The following FRMD6 variants were observed in gnomAD, a reference collection of about 807,000 sequenced individuals.
FRMD6 encodes the protein FERM domain-containing protein 6.
Under a neutral mutation model 73.2 loss-of-function variants are expected in FRMD6, and 37 were observed. That is an observed-to-expected ratio of 0.51 (90% CI 0.39 to 0.66). FRMD6 has a LOEUF of 0.66. FRMD6 is among the 30% of genes least tolerant of loss of function. FRMD6 has a pLI of 0.00. For synonymous variants in FRMD6, 273 were observed against 282.2 expected, an observed-to-expected ratio of 0.97 and a Z score of 0.33; for missense variants, 714 against 780.5, an observed-to-expected ratio of 0.91 and a Z score of 1.02.
the FRMD6 span, among the ~76,000 whole-genome samples, chr14:51,476,568 A>G: frequency 3.9e-5 from 6 of 152,216 alleles, no homozygotes; most frequent in African/African-American, 7.2e-5. Context: ...AGGAGTGAAC[A>G]TAGTGTTCTC....
At chr14:51,681,938 T>G (rs559418627) in intron 1 of FRMD6, among the ~76,000 whole-genome samples, 1 of 152,346 alleles carries the variant, frequency 6.6e-6, no homozygotes, top group East Asian at 1.9e-4. Context: ...GCTACTCTAA[T>G]TTGTTACAAA....
At position 51,534,084 on chromosome 14, in the gene FRMD6, A is replaced by G. The variant is rs374998360; in HGVS notation, c.-209-36264A>G. 2.9e-4 allele frequency among the ~76,000 whole-genome samples: 44 copies of G among 152,314 alleles called. 1 individual carries two copies. The South Asian group carries it at 8.9e-3, about 31-fold the overall frequency. On this transcript the variant is annotated intron_variant, in intron 1 of 14. Transcript: ENST00000356218. The stretch of plus-strand genomic sequence containing the variant: ...GCTCTGCCAGTGCCTTGCACAACCA[A>G]GGAGTCAAGTCTATGGAGGGTGGGG...
At chr14:51,436,919 G>C in the FRMD6 span, 1 of 1,000,478 alleles carries the variant, frequency 1.0e-6, no homozygotes, top group African/African-American at 1.6e-5. Context: ...AGAAGAAGAT[G>C]ATGATGAAGG....
At chr14:51,504,526 G>T (rs185302784) in intron 1 of FRMD6, among the ~76,000 whole-genome samples, 2 of 152,174 alleles carry the variant, frequency 1.3e-5, no homozygotes, top group African/African-American at 2.4e-5. Context: ...TTTTTCAGTC[G>T]CTGACACAGC....
chr14:51,705,104 T>C (rs182890334), intron 6 of FRMD6, among the ~76,000 whole-genome samples, 169 bp downstream of exon 6: 21 of 152,200 alleles, frequency 1.4e-4, no homozygotes, highest in Non-Finnish European at 2.5e-4. Flanking sequence ...CATGTCTTCA[T>C]GTACTTAGTC....
In FRMD6 at chr14:51,720,293, G is replaced by A; in HGVS notation, c.1263G>A (p.Leu421=). 1 of 1,614,004 alleles carries A rather than the reference G, an allele frequency of 6.2e-7. No homozygotes were observed. Among genetic ancestry groups the A allele is most frequent in the Non-Finnish European group, 8.5e-7 (1 of 1,180,012 alleles). Residue 421 remains leucine, a synonymous_variant, in exon 11 of 14, where the codon CTG becomes CTA. Coordinates refer to ENST00000344768, the MANE Select transcript of FRMD6 (RefSeq NM_001267046.2). The stretch of plus-strand genomic sequence containing the variant: ...CCAGCAGTGCCATCCACCGCAAGCT[G>A]AAAACCTGCAGCTCAATGACCAGTC... ...SYSSSAIHRK[L]KTCSSMTSHG...
At chr14:51,692,376 T>G (rs1895653508) in intron 2 of FRMD6, among the ~76,000 whole-genome samples, 1 of 152,240 alleles carries the variant, frequency 6.6e-6, no homozygotes, top group Admixed American at 6.5e-5. Context: ...ATATAAAAGA[T>G]ATCCAATAAT....
chr14:51,596,085 A>T (rs1889698282), intron 2 of FRMD6, among the ~76,000 whole-genome samples: 1 of 152,230 alleles, frequency 6.6e-6, no homozygotes, highest in Non-Finnish European at 1.5e-5. Context: ...ATGCCTCTCT[A>T]GCCTTTTTGA....
chr14:51,687,617 G>A (rs994755243), intron 1 of FRMD6, among the ~76,000 whole-genome samples: 2 of 152,060 alleles, frequency 1.3e-5, no homozygotes, highest in African/African-American at 4.8e-5. Context: ...ATAAGAAGTT[G>A]CCTGCAACAC....
intron 1 of FRMD6, among the ~76,000 whole-genome samples, chr14:51,523,588 G>A (rs1885066113): frequency 2.0e-5 from 3 of 152,164 alleles, no homozygotes; most frequent in Non-Finnish European, 2.9e-5. Context: ...ATGCTGCTTG[G>A]CTGTCTGGCC....
chr14:51,730,438 A>G lies in FRMD6; in HGVS notation c.*2409A>G, dbSNP rs539651557. On this transcript the variant is annotated 3_prime_UTR_variant, in exon 14 of 14. Transcript: ENST00000344768. ...TATTTGGAAATTGTTTTTAAAAATA[A>G]AAAGGAAAGGAAATATATAAAGCTG... The G allele has an allele frequency of 6.6e-6, 1 of 152,310 alleles. No homozygotes were observed. The highest frequency in any genetic ancestry group is 1.5e-5 in the Non-Finnish European group (1 of 68,036). The allele number at this position is 152,310 out of a possible 1,614,324, so 9.4% of individuals were successfully genotyped here. A position where few individuals can be genotyped will look rare whatever the true frequency, so the allele number is the denominator to read the frequency against.
chr14:51,456,621 G>A, the FRMD6 span, among the ~76,000 whole-genome samples: 1 of 151,982 alleles, frequency 6.6e-6, no homozygotes, highest in Non-Finnish European at 1.5e-5. Flanking sequence ...CTGCATAAAT[G>A]TCTTCTTCTG....
chr14:51,596,250 T>TGTGTGA (rs1889706907), intron 2 of FRMD6, among the ~76,000 whole-genome samples: 1 of 140,726 alleles, frequency 7.1e-6, no homozygotes, highest in Non-Finnish European at 1.5e-5. Flanking sequence ...GAGAGCCTGG[T>TGTGTGA]GTGTGTGTGT....
chr14:51,722,040 A>G lies in FRMD6; in HGVS notation c.1452A>G (p.Thr484=), dbSNP rs2140654174. Residue 484 remains threonine, a synonymous_variant, in exon 12 of 14, where the codon ACA becomes ACG. Transcript: ENST00000344768. ...EVSPDMCIYI[T]EDMLMSRKLN... is the part of the protein sequence containing the mutation. ...GCCCAGACATGTGCATCTACATCAC[A>G]GAGGACATGCTCATGTCGCGGAAGC... is the stretch of plus-strand genomic sequence containing the variant. 6.2e-7 allele frequency: 1 copy of G among 1,614,180 alleles called. No homozygotes were observed. Among genetic ancestry groups the G allele is most frequent in the Middle Eastern group, 1.6e-4 (1 of 6,062 alleles).
upstream of FRMD6, chr14:51,489,019 G>A (rs1882848062): frequency 6.6e-6 from 1 of 152,218 alleles, no homozygotes; most frequent in South Asian, 2.1e-4. Context: ...CAGAAATCTG[G>A]AGGCTCGCCC....
At chr14:51,407,722 C>A in the FRMD6 span, among the ~76,000 whole-genome samples, 1 of 151,802 alleles carries the variant, frequency 6.6e-6, no homozygotes, top group Admixed American at 6.6e-5. Flanking sequence ...TGTTCTTTGA[C>A]CTATAAATAA....
chr14:51,589,384 C>CT (rs1156585022), intron 2 of FRMD6, among the ~76,000 whole-genome samples: 2 of 149,192 alleles, frequency 1.3e-5, no homozygotes, highest in East Asian at 3.9e-4. Context: ...TTTCTTTTTT[C>CT]TTTTTTTGCT....
chr14:51,508,514 A>G lies in FRMD6; in HGVS notation c.-210+19094A>G, dbSNP rs78182914. Among the ~76,000 whole-genome samples the G allele has an allele frequency of 1.7e-3, 265 of 152,332 alleles. 1 individual carries two copies. Among genetic ancestry groups the G allele is most frequent in the African/African-American group, 6.2e-3 (257 of 41,580 alleles). On this transcript the variant is annotated intron_variant, in intron 1 of 14. Coordinates refer to the FRMD6 transcript ENST00000356218. ...CTTGTCCTGGAGCCTTGAGGAGACA[A>G]GAGCAAGACGTGAACAGGTGGTCGA...
the FRMD6 span, among the ~76,000 whole-genome samples, chr14:51,440,192 A>C: frequency 6.6e-6 from 1 of 152,252 alleles, no homozygotes; most frequent in Admixed American, 6.5e-5. Flanking sequence ...AAGCATGTGT[A>C]ATAATTGATG....
Sources: allele counts gnomAD v4.1 joint callset (sites outside exome capture counted in the v4.1 genomes callset), GRCh38; gene constraint gnomAD v4.1.1; transcripts MANE v1.5; gene names NCBI Gene and HGNC (gene_info 2026-07-23, HGNC 2026-07-21).